The following PPP2R5C variants were observed in gnomAD, a reference collection of about 807,000 sequenced individuals.
PPP2R5C encodes the protein protein phosphatase 2 regulatory subunit B'gamma, also known as serine/threonine-protein phosphatase 2A 56 kDa regulatory subunit gamma isoform.
Under a neutral mutation model 68.9 loss-of-function variants are expected in PPP2R5C, and 7 were observed. The ratio of observed to expected loss-of-function variants is 0.10; its 90% CI spans 0.06 to 0.19. PPP2R5C has a LOEUF of 0.19. Among genes scored for constraint, PPP2R5C ranks in the 10% least tolerant of loss-of-function variants. The pLI is 1.00. For synonymous variants in PPP2R5C, 210 were observed against 222.2 expected, an observed-to-expected ratio of 0.95 and a Z score of 0.49; for missense variants, 348 against 641.3, an observed-to-expected ratio of 0.54 and a Z score of 4.94.
Position 101,796,806 on chromosome 14 carries a change from C to T in PPP2R5C, c.259+10623C>T, listed in dbSNP as rs372105979. The T allele has an allele frequency of 1.4e-4, 33 of 231,326 alleles. No individual in the cohort carries two copies. In the East Asian group the frequency reaches 2.7e-3, roughly 19 times the overall value. 14.3% of individuals were successfully genotyped at this position (231,326 alleles called of 1,614,324 possible). ...TCATTACCGCACACAGAGACCACTTCTTGGACATTCCCGTCCTCTGTCTGG... is the reference window on the plus strand; with the variant it reads ...TCATTACCGCACACAGAGACCACTTTTTGGACATTCCCGTCCTCTGTCTGG... On this transcript the variant is annotated intron_variant, in intron 3 of 14. Coordinates refer to the PPP2R5C transcript ENST00000328724.
intron 1 of PPP2R5C, chr14:101,823,801 T>C (rs1595273817): frequency 8.8e-7 from 1 of 1,135,822 alleles, no homozygotes; most frequent in East Asian, 6.1e-5. Flanking sequence ...GCAGGTTTCT[T>C]TATCACAGGG....
intron 8 of PPP2R5C, among the ~76,000 whole-genome samples, chr14:101,901,289 A>G (rs2045675243): frequency 6.6e-6 from 1 of 152,144 alleles, no homozygotes; most frequent in South Asian, 2.1e-4. Flanking sequence ...TTTTTTAAAA[A>G]AAGGAATGGA....
In PPP2R5C at chr14:101,779,412, A is replaced by G. The variant is rs565553753; in HGVS notation, c.94-6606A>G. Among the ~76,000 whole-genome samples, 31 of 152,288 alleles carry G rather than the reference A, an allele frequency of 2.0e-4. No homozygotes were observed. The South Asian group carries it at 6.2e-3, about 31-fold the overall frequency. On this transcript the variant is annotated intron_variant, in intron 2 of 14. Coordinates refer to the PPP2R5C transcript ENST00000328724. ...CCTGGCTGCGTGTATGAGTGGGGAA[A>G]ACATTAAAGAGAATGGCATTTGAGC... is the stretch of plus-strand genomic sequence containing the variant.
upstream of PPP2R5C, chr14:101,761,708 C>CGCCGCG (rs2036544922): frequency 1.8e-6 from 1 of 551,672 alleles, no homozygotes. Flanking sequence ...CCGCCGCCGC[C>CGCCGCG]GCCGCCGTGG....
intron 13 of PPP2R5C, among the ~76,000 whole-genome samples, chr14:101,919,993 C>CAAAAAAAAAAAAA (rs367834588): frequency 0.12 from 13,968 of 116,758 alleles, 1,080 homozygotes; most frequent in East Asian, 0.28. Flanking sequence ...AAAAAAAAAA[C>CAAAAAAAAAAAAA]CAATTCTTAC....
intron 5 of PPP2R5C, among the ~76,000 whole-genome samples, chr14:101,887,012 G>T (rs2044569802): frequency 6.6e-6 from 1 of 152,226 alleles, no homozygotes; most frequent in African/African-American, 2.4e-5. Context: ...TGGGATTACA[G>T]GCGTGAGCCA....
At chr14:101,806,178 G>A (rs2039067552), upstream of PPP2R5C, among the ~76,000 whole-genome samples, 1 of 152,074 alleles carries the variant, frequency 6.6e-6, no homozygotes, top group Admixed American at 6.6e-5. Flanking sequence ...TGTCATGGTG[G>A]TTTGCTGCAC....
rs116031893 is a variant in PPP2R5C at position 101,775,004 on chromosome 14, G to T, written c.94-11014G>T. 1.1e-3 allele frequency among the ~76,000 whole-genome samples: 166 copies of T among 152,314 alleles called. 1 individual carries two copies. Among genetic ancestry groups the T allele is most frequent in the African/African-American group, 3.8e-3 (159 of 41,560 alleles). ...ACTTGATTTACAAAAATAACCAGGA[G>T]GCCAGATGTGGTTCATGGGCTGTGG... On this transcript the variant is annotated intron_variant, in intron 2 of 14. Transcript: ENST00000328724.
At chr14:101,776,002 C>G (rs2037397150) in intron 2 of PPP2R5C, among the ~76,000 whole-genome samples, 1 of 151,842 alleles carries the variant, frequency 6.6e-6, no homozygotes, top group African/African-American at 2.4e-5. Flanking sequence ...ACAAGTGTCT[C>G]AAATAGCATT....
rs2038665826 is a variant in PPP2R5C, at chr14:101,797,435, A to G, written c.259+11252A>G. 2.5e-6 allele frequency: 1 copy of G among 394,844 alleles called. No homozygotes were observed. The highest frequency in any genetic ancestry group is 5.2e-6 in the Non-Finnish European group (1 of 192,576). 24.5% of individuals were successfully genotyped at this position (394,844 alleles called of 1,614,324 possible). On this transcript the variant is annotated intron_variant, in intron 3 of 14. Transcript: ENST00000328724. The surrounding 1 kb of genome is among the most constrained non-coding windows in gnomAD (Gnocchi z 4.2). ...CATCTGCCAAGGACCCAGGAAACAC[A>G]CAGTGTGTCTCCTGAAGGAATGAAA...
Position 101,826,714 on chromosome 14 carries a change from T to C in PPP2R5C, c.94+16678T>C, listed in dbSNP as rs541136203. Among the ~76,000 whole-genome samples, 11 of 152,300 alleles carry C rather than the reference T, an allele frequency of 7.2e-5. No homozygotes were observed. In the South Asian group the frequency reaches 2.3e-3, roughly 32 times the overall value. On this transcript the variant is annotated intron_variant, in intron 1 of 13. Transcript: ENST00000334743. ...CAGCTTAGCAATGTTCCTTGTCTCT[T>C]TCTTCTAATTCTGTAGCCTTTCCTG...
intron 2 of PPP2R5C, among the ~76,000 whole-genome samples, chr14:101,867,659 T>A (rs2043162949): frequency 1.3e-5 from 2 of 151,880 alleles, no homozygotes; most frequent in East Asian, 3.9e-4. Context: ...GCACCTGTAG[T>A]CCCAGCTACT....
At chr14:101,788,436 GGT>G (rs2038220739) in intron 3 of PPP2R5C, among the ~76,000 whole-genome samples, 1 of 152,206 alleles carries the variant, frequency 6.6e-6, no homozygotes, top group African/African-American at 2.4e-5. Flanking sequence ...TGCAAGTACC[GGT>G]GTGTGCCGGC....
intron 10 of PPP2R5C, among the ~76,000 whole-genome samples, chr14:101,907,963 C>T (rs1029822409): frequency 5.3e-5 from 8 of 152,166 alleles, no homozygotes; most frequent in African/African-American, 1.9e-4. Flanking sequence ...CTGAGGGTTG[C>T]CGCCCAGAAA....
chr14:101,773,260 C>T (rs567924302), intron 2 of PPP2R5C, among the ~76,000 whole-genome samples: 1 of 152,236 alleles, frequency 6.6e-6, no homozygotes, highest in East Asian at 1.9e-4. Context: ...CTCACCTTTG[C>T]AGAGCAATGG....
intron 2 of PPP2R5C, among the ~76,000 whole-genome samples, chr14:101,869,654 CTTGT>C (rs1007042044): frequency 5.3e-5 from 8 of 151,990 alleles, no homozygotes; most frequent in African/African-American, 1.9e-4. Flanking sequence ...TTATGCCAGG[CTTGT>C]TTGTTTGTTT....
upstream of PPP2R5C, among the ~76,000 whole-genome samples, chr14:101,806,686 A>T (rs1477659216): frequency 6.6e-6 from 1 of 152,188 alleles, no homozygotes; most frequent in African/African-American, 2.4e-5. Context: ...AAGATCGGGC[A>T]TGGTGGCTCA....
intron 2 of PPP2R5C, among the ~76,000 whole-genome samples, chr14:101,872,877 G>C (rs977854036): frequency 2.0e-5 from 3 of 149,978 alleles, no homozygotes; most frequent in Admixed American, 2.0e-4. Flanking sequence ...TCCCAATAAC[G>C]TGTATTAGGC....
chr14:101,926,779 A>T (rs962593707), exon 14 of PPP2R5C: 4 of 152,060 alleles, frequency 2.6e-5, no homozygotes, highest in Non-Finnish European at 5.9e-5. Context: ...CAGCTCTGGT[A>T]CCTCCTGCCC....
Sources: gnomAD v4.1 joint callset for allele counts (sites outside exome capture counted in the v4.1 genomes callset) on GRCh38, gnomAD v4.1.1 for gene constraint, Gnocchi (gnomAD v3.1) non-coding constraint, MANE v1.5 for transcripts, NCBI Gene and HGNC (gene_info 2026-07-23, HGNC 2026-07-21) for gene names.